Variants in PLB1 observed in about 807,000 individuals in gnomAD.
PLB1 encodes phospholipase B1, also known as phospholipase B1, membrane-associated.
In PLB1, 242 loss-of-function variants were observed where a neutral mutation model predicts 227.4. The observed-to-expected ratio is 1.06, with a 90% CI of 0.96 to 1.18. PLB1 has a LOEUF of 1.18. Ranked by LOEUF, PLB1 falls within the 50% of genes most tolerant of loss-of-function variation. PLB1 has a pLI of 0.00. For missense variants in PLB1, 1,858 were observed against 1,816.3 expected (o/e 1.02, Z -0.42); for synonymous variants, 757 against 682.2 (o/e 1.11, Z -1.71).
intron 56 of PLB1, among the ~76,000 whole-genome samples, chr2:28,635,940 G>A (rs1324001952): frequency 1.3e-5 from 2 of 152,146 alleles, no homozygotes; most frequent in African/African-American, 2.4e-5. Flanking sequence ...TCTTAGAATC[G>A]TGACTCTCAG....
chr2:28,578,171 G>A lies in PLB1; in HGVS notation c.1485+13G>A, dbSNP rs1679315322. 1.2e-6 allele frequency: 2 copies of A among 1,613,510 alleles called. No homozygotes were observed. Among genetic ancestry groups the A allele is most frequent in the African/African-American group, 1.3e-5 (1 of 74,922 alleles). On this transcript the variant is annotated intron_variant, in intron 22 of 57. Coordinates refer to ENST00000327757, the MANE Select transcript of PLB1 (RefSeq NM_153021.5). ...GAAGAATGACACGGTGGGTCCCTGG[G>A]ATGGGAAGTAGGCAGGAAAAATCCC...
intron 11 of PLB1, 129 bp downstream of exon 11, chr2:28,539,307 A>G: frequency 1.2e-6 from 1 of 828,462 alleles, no homozygotes; most frequent in Non-Finnish European, 2.0e-6. Flanking sequence ...AGGCCGAGAA[A>G]CACATGCGAG....
chr2:28,604,037 G>T lies in PLB1; in HGVS notation c.2846G>T (p.Arg949Leu), dbSNP rs758764472. 6.2e-7 allele frequency: 1 copy of T among 1,613,656 alleles called. No homozygotes were observed. Among genetic ancestry groups the T allele is most frequent in the Non-Finnish European group, 8.5e-7 (1 of 1,179,510 alleles). Residue 949 changes from arginine to leucine, a missense_variant, in exon 40 of 58, where the codon CGA becomes CTA. Coordinates refer to ENST00000327757, the MANE Select transcript of PLB1 (RefSeq NM_153021.5). Reference sequence around the variant, plus strand: ...CTAGCCAGGCTGGAGGCCTTCAGCCGAGCCTACCGGGTAAGACCAAGAAGG... The same window carrying T: ...CTAGCCAGGCTGGAGGCCTTCAGCCTAGCCTACCGGGTAAGACCAAGAAGG... ...QELARLEAFS[R>L]AYRSSMRELV... is the part of the protein sequence containing the mutation.
At chr2:28,613,820 C>T (rs1432253396) in intron 43 of PLB1, among the ~76,000 whole-genome samples, 2 of 152,230 alleles carry the variant, frequency 1.3e-5, no homozygotes, top group Non-Finnish European at 2.9e-5. Context: ...ATGAAACCCT[C>T]TGCACGCCTT....
At chr2:28,503,391 G>A (rs1479098842) in intron 1 of PLB1, among the ~76,000 whole-genome samples, 1 of 152,086 alleles carries the variant, frequency 6.6e-6, no homozygotes, top group East Asian at 1.9e-4. Context: ...CTAGGCTCAA[G>A]CTATCATCCA....
chr2:28,605,264 C>A (rs1425285313), intron 41 of PLB1, among the ~76,000 whole-genome samples: 1 of 152,192 alleles, frequency 6.6e-6, no homozygotes, highest in African/African-American at 2.4e-5. Flanking sequence ...CCACTCTGAA[C>A]AGAAGAGATC....
At chr2:28,562,483 A>G (rs1270407697) in intron 17 of PLB1, among the ~76,000 whole-genome samples, 1 of 133,170 alleles carries the variant, frequency 7.5e-6, no homozygotes, top group Non-Finnish European at 1.6e-5. Context: ...CGGAGGTTGT[A>G]GTGAGCCAAG....
At chr2:28,638,208 A>G (rs1424414281) in intron 56 of PLB1, among the ~76,000 whole-genome samples, 1 of 151,916 alleles carries the variant, frequency 6.6e-6, no homozygotes, top group Non-Finnish European at 1.5e-5. Context: ...AAAGTCAAGC[A>G]GAGTGATGTG....
chr2:28,606,848 G>A (rs528814583), intron 43 of PLB1, among the ~76,000 whole-genome samples: 8 of 152,342 alleles, frequency 5.3e-5, no homozygotes, highest in African/African-American at 1.9e-4. Flanking sequence ...GCTCCTGAGA[G>A]AGGAAATCAG....
intron 38 of PLB1, among the ~76,000 whole-genome samples, 170 bp downstream of exon 38, chr2:28,602,134 T>C (rs1262116067): frequency 6.6e-6 from 1 of 152,154 alleles, no homozygotes; most frequent in Non-Finnish European, 1.5e-5. Flanking sequence ...CCTTATTTTA[T>C]ATGGAATCAG....
At position 28,573,311 on chromosome 2, in the gene PLB1, C is replaced by G; in HGVS notation, c.1433+6C>G. ...GTGGCAGGAGGCCGAGCTGAGTAAG[C>G]AGGGGTGACCGGGGCGGTGAACAGC... On this transcript the variant is annotated splice_donor_region_variant and intron_variant, in intron 21 of 57. Transcript: ENST00000327757. 6.2e-7 allele frequency: 1 copy of G among 1,606,662 alleles called. No individual in the cohort carries two copies. Among genetic ancestry groups the G allele is most frequent in the South Asian group, 1.1e-5 (1 of 90,888 alleles).
chr2:28,591,185 G>C lies in PLB1; in HGVS notation c.2127+14G>C. On this transcript the variant is annotated intron_variant, in intron 30 of 57. Coordinates refer to ENST00000327757, the MANE Select transcript of PLB1 (RefSeq NM_153021.5). Reference sequence around the variant, plus strand: ...AACAGCATGCAGGTACCTGCCTCTTGCCTCCTCTTGACTCACCAGGCAATG... The same window carrying C: ...AACAGCATGCAGGTACCTGCCTCTTCCCTCCTCTTGACTCACCAGGCAATG... 6.2e-7 allele frequency: 1 copy of C among 1,614,110 alleles called. No homozygotes were observed. Among genetic ancestry groups the C allele is most frequent in the Non-Finnish European group, 8.5e-7 (1 of 1,179,968 alleles).
chr2:28,592,563 T>C, intron 31 of PLB1, 98 bp from the exon 32 acceptor site: 1 of 1,222,592 alleles, frequency 8.2e-7, no homozygotes, highest in South Asian at 1.2e-5. Flanking sequence ...CCAGTGCTCA[T>C]GCAGATTGTG....
At chr2:28,525,113 A>G (rs1428231424) in intron 4 of PLB1, among the ~76,000 whole-genome samples, 154 bp from the exon 5 acceptor site, 2 of 152,060 alleles carry the variant, frequency 1.3e-5, no homozygotes, top group Non-Finnish European at 2.9e-5. Context: ...AGCCTCCCAA[A>G]GTGCTGGGAT....
chr2:28,505,415 C>T (rs763876055), intron 1 of PLB1, among the ~76,000 whole-genome samples: 14 of 152,196 alleles, frequency 9.2e-5, no homozygotes, highest in African/African-American at 2.4e-4. Flanking sequence ...CAACTGCAGT[C>T]GGCAAAAGCA....
chr2:28,497,722 A>AT (rs112520210), intron 1 of PLB1, among the ~76,000 whole-genome samples: 3,631 of 140,892 alleles, frequency 0.026, 108 homozygotes, highest in African/African-American at 0.082. Flanking sequence ...TATATTCTCT[A>AT]TTTTTTTTTT....
chr2:28,606,655 C>G, intron 43 of PLB1, 88 bp downstream of exon 43: 1 of 1,207,800 alleles, frequency 8.3e-7, no homozygotes. Flanking sequence ...ACAGCTTCCT[C>G]AGTACCCATC....
At chr2:28,590,662 A>C (rs1257276505) in intron 29 of PLB1, among the ~76,000 whole-genome samples, 1 of 152,072 alleles carries the variant, frequency 6.6e-6, no homozygotes, top group Non-Finnish European at 1.5e-5. Flanking sequence ...CCAGGCTGAC[A>C]CTGGAAACCA....
At chr2:28,524,089 G>T (rs1025163281) in intron 4 of PLB1, among the ~76,000 whole-genome samples, 1 of 152,214 alleles carries the variant, frequency 6.6e-6, no homozygotes, top group Non-Finnish European at 1.5e-5. Flanking sequence ...CTGCAGAGAC[G>T]TGACCTAGGT....
Sources: allele counts gnomAD v4.1 joint callset (sites outside exome capture counted in the v4.1 genomes callset), GRCh38; gene constraint gnomAD v4.1.1; transcripts MANE v1.5; gene names NCBI Gene and HGNC (gene_info 2026-07-23, HGNC 2026-07-21).